The following CPNE8 variants were observed in gnomAD, a reference collection of about 807,000 sequenced individuals.
CPNE8 encodes copine-8.
A neutral mutation model predicts 81.5 loss-of-function variants in CPNE8; 45 were observed. That is an observed-to-expected ratio of 0.55 (90% CI 0.44 to 0.71). CPNE8 has a LOEUF of 0.71. Ranked by LOEUF, CPNE8 falls within the 30% of genes least tolerant of loss-of-function variation. The probability of loss-of-function intolerance (pLI) is 0.00; values close to 1 mark genes in which losing one functional copy is unlikely to be tolerated. For synonymous variants in CPNE8, 252 were observed against 226.3 expected (o/e 1.11, Z -1.02); for missense variants, 594 against 672.1 (o/e 0.88, Z 1.28).
rs529115632 is a variant in CPNE8 at position 38,693,610 on chromosome 12, C to A, written c.1143+47G>T. 67 of 1,513,270 alleles carry A rather than the reference C, an allele frequency of 4.4e-5. No homozygotes were observed. The South Asian group carries it at 8.1e-4, about 18-fold the overall frequency. 93.7% of individuals were successfully genotyped at this position (1,513,270 alleles called of 1,614,324 possible). A position where few individuals can be genotyped will look rare whatever the true frequency, so the allele number is the denominator to read the frequency against. On this transcript the variant is annotated intron_variant, in intron 15 of 19. Coordinates refer to ENST00000331366, the MANE Select transcript of CPNE8 (RefSeq NM_153634.3). ...AAGTACCAAAGCAATATTAAAAGGTCTAACATTAATTTTTCAAAACATCAA... is the reference window on the plus strand; with the variant it reads ...AAGTACCAAAGCAATATTAAAAGGTATAACATTAATTTTTCAAAACATCAA...
At chr12:38,897,373 AC>A (rs1417101427) in intron 1 of CPNE8, among the ~76,000 whole-genome samples, 1 of 152,054 alleles carries the variant, frequency 6.6e-6, no homozygotes. Context: ...AAAAAAAGTA[AC>A]CAGAGATGTT....
chr12:38,862,217 G>C (rs1313898870), intron 3 of CPNE8, among the ~76,000 whole-genome samples: 1 of 151,788 alleles, frequency 6.6e-6, no homozygotes, highest in Non-Finnish European at 1.5e-5. Context: ...TCCTGACTGT[G>C]TAACTGTAGG....
At chr12:38,882,752 C>T (rs1207871468) in intron 1 of CPNE8, among the ~76,000 whole-genome samples, 16 of 152,196 alleles carry the variant, frequency 1.1e-4, no homozygotes, top group African/African-American at 3.4e-4. Context: ...CATTCTGACC[C>T]CTGGCTATGT....
chr12:38,784,933 G>A (rs1036247956), intron 6 of CPNE8, among the ~76,000 whole-genome samples: 1 of 152,090 alleles, frequency 6.6e-6, no homozygotes, highest in South Asian at 2.1e-4. Flanking sequence ...GGTGGCTCAC[G>A]TCTATAATTC....
chr12:38,666,472 G>A (rs1051080487), intron 19 of CPNE8, among the ~76,000 whole-genome samples: 1 of 152,142 alleles, frequency 6.6e-6, no homozygotes, highest in Admixed American at 6.6e-5. Flanking sequence ...TGGGGACAAA[G>A]TGAAAATTCA....
chr12:38,906,201 G>C, upstream of CPNE8: 1 of 985,616 alleles, frequency 1.0e-6, no homozygotes, highest in Non-Finnish European at 1.2e-6. Flanking sequence ...TCGGGCAGAT[G>C]AGTCTGGTCC....
intron 6 of CPNE8, among the ~76,000 whole-genome samples, chr12:38,818,683 T>C (rs959333016): frequency 3.3e-5 from 5 of 152,188 alleles, no homozygotes; most frequent in African/African-American, 1.2e-4. Context: ...GTATTCCTGG[T>C]TCTAGATCTT....
At position 38,761,056 on chromosome 12, in the gene CPNE8, C is replaced by T. The variant is rs190588461; in HGVS notation, c.681-168G>A. Among the ~76,000 whole-genome samples the T allele has an allele frequency of 2.6e-3, 395 of 152,176 alleles. 2 individuals are homozygous for T. The highest frequency in any genetic ancestry group is 0.014 in the Middle Eastern group (4 of 294). ...CTAATTTCATTACTATAATCCAATT[C>T]GCATCTTAAAAGAGGCTTCTAAAAT... On this transcript the variant is annotated intron_variant, in intron 9 of 19. Coordinates refer to ENST00000331366, the MANE Select transcript of CPNE8 (RefSeq NM_153634.3).
At chr12:38,702,277 G>A (rs1341032432) in intron 14 of CPNE8, among the ~76,000 whole-genome samples, 1 of 151,922 alleles carries the variant, frequency 6.6e-6, no homozygotes, top group African/African-American at 2.4e-5. Context: ...CAAAATAAAA[G>A]CCCACTATCT....
chr12:38,701,618 T>C (rs1033624832), intron 14 of CPNE8, among the ~76,000 whole-genome samples: 29 of 152,114 alleles, frequency 1.9e-4, no homozygotes, highest in Middle Eastern at 3.4e-3. Flanking sequence ...CTCAGCCTCC[T>C]GAGTAGCTGG....
chr12:38,891,449 A>ATT (rs745723951), intron 1 of CPNE8, among the ~76,000 whole-genome samples: 6 of 145,824 alleles, frequency 4.1e-5, no homozygotes, highest in African/African-American at 1.3e-4. Context: ...GTATAAACTA[A>ATT]TTTTTTTTTT....
intron 1 of CPNE8, among the ~76,000 whole-genome samples, chr12:38,875,461 G>A (rs971744180): frequency 7.2e-5 from 11 of 152,118 alleles, no homozygotes; most frequent in African/African-American, 2.4e-4. Flanking sequence ...TTAAAATGGA[G>A]TAGCTAAATT....
intron 3 of CPNE8, among the ~76,000 whole-genome samples, chr12:38,860,385 CA>C (rs36025286): frequency 3.8e-3 from 428 of 111,276 alleles, no homozygotes; most frequent in African/African-American, 0.013. Flanking sequence ...TGGCTATTAT[CA>C]AAAAAAAAAA....
At chr12:38,809,752 T>A (rs947357784) in intron 6 of CPNE8, among the ~76,000 whole-genome samples, 3 of 152,178 alleles carry the variant, frequency 2.0e-5, no homozygotes, top group Non-Finnish European at 2.9e-5. Context: ...CCAAATCTCA[T>A]CATCTAAATC....
At chr12:38,705,753 A>C (rs1940091397) in intron 13 of CPNE8, among the ~76,000 whole-genome samples, 1 of 152,104 alleles carries the variant, frequency 6.6e-6, no homozygotes, top group African/African-American at 2.4e-5. Flanking sequence ...TTTGAATCTG[A>C]ATGAACTGGG....
At chr12:38,663,079 CA>C (rs950690459) in intron 19 of CPNE8, among the ~76,000 whole-genome samples, 26 of 151,888 alleles carry the variant, frequency 1.7e-4, no homozygotes, top group African/African-American at 6.3e-4. Context: ...CATGAGTAGG[CA>C]AAAATTGTAT....
intron 7 of CPNE8, among the ~76,000 whole-genome samples, chr12:38,773,047 A>T (rs1406237748): frequency 6.6e-6 from 1 of 152,152 alleles, no homozygotes; most frequent in Non-Finnish European, 1.5e-5. Flanking sequence ...TATAAGTGAA[A>T]TAAGACAGCC....
At chr12:38,820,939 T>G (rs1943101697) in intron 6 of CPNE8, among the ~76,000 whole-genome samples, 1 of 152,190 alleles carries the variant, frequency 6.6e-6, no homozygotes, top group South Asian at 2.1e-4. Flanking sequence ...TTCTTCAACC[T>G]AGACCATCAA....
chr12:38,832,765 A>G (rs1195833064), intron 5 of CPNE8, among the ~76,000 whole-genome samples: 3 of 152,156 alleles, frequency 2.0e-5, no homozygotes, highest in Admixed American at 1.3e-4. Flanking sequence ...TCCTGAGCTC[A>G]GGTGATCCAC....
Sources: gnomAD v4.1 joint callset for allele counts (sites outside exome capture counted in the v4.1 genomes callset) on GRCh38, gnomAD v4.1.1 for gene constraint, MANE v1.5 for transcripts, NCBI Gene and HGNC (gene_info 2026-07-23, HGNC 2026-07-21) for gene names.